The following CHD8 variants were observed in gnomAD, a reference collection of about 807,000 sequenced individuals.
CHD8 encodes the protein chromodomain helicase DNA binding protein 8, also known as ATP-dependent chromatin remodeler CHD8.
A neutral mutation model predicts 279.2 loss-of-function variants in CHD8; 31 were observed. The ratio of observed to expected loss-of-function variants is 0.11; its 90% CI spans 0.08 to 0.15. The LOEUF (loss-of-function observed/expected upper bound fraction) is 0.15. CHD8 is among the 10% of genes least tolerant of loss of function. CHD8 has a pLI of 1.00. For synonymous variants in CHD8, 1,081 were observed against 1,139.6 expected (o/e 0.95, Z 1.04); for missense variants, 2,146 against 3,230.5 (o/e 0.66, Z 8.14).
Position 21,431,559 on chromosome 14 carries a change from T to A in CHD8, c.85A>T (p.Thr29Ser). The change falls in exon 2 of 38, where the codon ACA becomes TCA. Residue 29 changes from threonine (T) to serine (S), a missense_variant. Physicochemically the swap from Thr to Ser is moderately conservative, Grantham distance 58. Around this residue, in one of 26 missense-constraint regions of CHD8, gnomAD observed 302 missense variants for 325.5 expected, o/e 0.93. Coordinates refer to ENST00000646647, the MANE Select transcript of CHD8 (RefSeq NM_001170629.2). ...AGGGCTTCCTCAATGGGGTCTTGTG[T>A]GACCTGGTTAAAGCTGTCATCAGTC... Reference protein sequence around the residue: ...SLTDDSFNQVTQDPIEEALGL... With the variant: ...SLTDDSFNQVSQDPIEEALGL... The A allele has an allele frequency of 6.5e-7, 1 of 1,537,156 alleles. No individual in the cohort carries two copies. The highest frequency in any genetic ancestry group is 8.7e-7 in the Non-Finnish European group (1 of 1,146,878).
intron 5 of CHD8, among the ~76,000 whole-genome samples, chr14:21,422,409 T>TC (rs1889085062): frequency 6.6e-6 from 1 of 152,354 alleles, no homozygotes; most frequent in South Asian, 2.1e-4. Flanking sequence ...ATGGTGGTCC[T>TC]AGCAAACTAA....
At chr14:21,449,836 A>G (rs899522741) in intron 1 of CHD8, among the ~76,000 whole-genome samples, 6 of 152,236 alleles carry the variant, frequency 3.9e-5, no homozygotes, top group Non-Finnish European at 7.3e-5. Context: ...TTTGACTCCA[A>G]TGACTTTCAG....
At chr14:21,409,794 GA>G in intron 11 of CHD8, 56 bp downstream of exon 11, 1 of 1,510,336 alleles carries the variant, frequency 6.6e-7, no homozygotes, top group South Asian at 1.3e-5. Flanking sequence ...TTTCATAGGG[GA>G]AAAAATTTAA....
At chr14:21,438,527 A>AAAG (rs1889874661) in intron 1 of CHD8, among the ~76,000 whole-genome samples, 1 of 149,372 alleles carries the variant, frequency 6.7e-6, no homozygotes. Flanking sequence ...AAAAAAAAAA[A>AAAG]AAAAGAAAGA....
chr14:21,431,763 T>A lies in CHD8; in HGVS notation c.-120A>T, dbSNP rs776309617. On this transcript the variant is annotated 5_prime_UTR_variant, in exon 2 of 38. Transcript: ENST00000646647. ...AATGTACACAATGTAAGAGGACTAC[T>A]CTTCAAGTATAGAGGCAAGAAACAA... is the stretch of plus-strand genomic sequence containing the variant. 1 of 1,613,320 alleles carries A rather than the reference T, an allele frequency of 6.2e-7. No homozygotes were observed. The highest frequency in any genetic ancestry group is 8.5e-7 in the Non-Finnish European group (1 of 1,179,344).
At position 21,442,636 on chromosome 14, in the gene CHD8, AAGGGGAGGAGAGGAG is replaced by A. The variant is rs1227620095; in HGVS notation, c.-215-10793_-215-10779del. ...ACCCTATCAGAAAGGAGAAAAGAGA[AAGGGGAGGAGAGGAG>A]AGGGGAGGAGAGGAGAGGGGAGGAG... is the stretch of plus-strand genomic sequence containing the variant. On this transcript the variant is annotated intron_variant, in intron 1 of 37. Coordinates refer to ENST00000646647, the MANE Select transcript of CHD8 (RefSeq NM_001170629.2). 4.2e-3 allele frequency among the ~76,000 whole-genome samples: 528 copies of A among 124,544 alleles called. 12 individuals carry two copies. The highest frequency in any genetic ancestry group is 5.0e-3 in the African/African-American group (164 of 32,958). 81.7% of individuals were successfully genotyped at this position (124,544 alleles called of 152,430 possible).
chr14:21,392,226 G>T, intron 34 of CHD8: 1 of 753,598 alleles, frequency 1.3e-6, no homozygotes, highest in Non-Finnish European at 2.4e-6. Flanking sequence ...TGGTGTCTCC[G>T]TATTAGCATG....
intron 35 of CHD8, 59 bp downstream of exon 35, chr14:21,391,774 A>G (rs1594327533): frequency 6.5e-7 from 1 of 1,529,522 alleles, no homozygotes; most frequent in Admixed American, 1.7e-5. Context: ...GCCTTCATCA[A>G]TTATTGGGAA....
At chr14:21,449,735 C>T (rs1890213362) in intron 1 of CHD8, among the ~76,000 whole-genome samples, 1 of 152,214 alleles carries the variant, frequency 6.6e-6, no homozygotes, top group African/African-American at 2.4e-5. Context: ...ATTCAATTTA[C>T]TTCACAATAC....
intron 21 of CHD8, 107 bp from the exon 22 acceptor site, chr14:21,401,178 C>CAAA: frequency 1.0e-6 from 1 of 956,106 alleles, no homozygotes; most frequent in Non-Finnish European, 1.5e-6. Context: ...TGTAGATACT[C>CAAA]AGAGATTTTT....
chr14:21,424,104 C>T (rs1034115143), intron 5 of CHD8, among the ~76,000 whole-genome samples: 9 of 152,144 alleles, frequency 5.9e-5, no homozygotes, highest in African/African-American at 9.7e-5. Flanking sequence ...ATTACTCCAC[C>T]GGACAGTTAC....
At position 21,400,333 on chromosome 14, in the gene CHD8, T is replaced by A; in HGVS notation, c.4571-26A>T. 1 of 1,612,482 alleles carries A rather than the reference T, an allele frequency of 6.2e-7. No individual in the cohort carries two copies. On this transcript the variant is annotated intron_variant, in intron 23 of 37. Coordinates refer to ENST00000646647, the MANE Select transcript of CHD8 (RefSeq NM_001170629.2). This position sits in a 1 kb window ranked among gnomAD's most constrained non-coding sequence, Gnocchi z 4.2. Reference sequence around the variant, plus strand: ...CTGGGAAAGGGGAGACATCAAAGACTTGGATTGAGAAAAACCCTTGGACCT... The same window carrying A: ...CTGGGAAAGGGGAGACATCAAAGACATGGATTGAGAAAAACCCTTGGACCT...
intron 5 of CHD8, 163 bp from the exon 6 acceptor site, chr14:21,416,070 G>A (rs1594360198): frequency 1.6e-6 from 1 of 633,322 alleles, no homozygotes; most frequent in Admixed American, 2.9e-5. Flanking sequence ...ATGTGATTAT[G>A]CTATGTACTG....
At chr14:21,444,379 T>C (rs1375677310) in intron 1 of CHD8, among the ~76,000 whole-genome samples, 1 of 152,222 alleles carries the variant, frequency 6.6e-6, no homozygotes, top group Non-Finnish European at 1.5e-5. Flanking sequence ...AGTTGGCTAA[T>C]ACCTATGAGC....
At chr14:21,404,916 CT>C in intron 16 of CHD8, 114 of 351,416 alleles carry the variant, frequency 3.2e-4, no homozygotes, top group Middle Eastern at 1.6e-3. Context: ...ACTGCAACCT[CT>C]GCCTTCTGGG....
Position 21,391,621 on chromosome 14 carries a change from C to T in CHD8, c.6907G>A (p.Glu2303Lys). Residue 2303 changes from glutamate to lysine, a missense_variant, in exon 36 of 38, where the codon GAG becomes AAG. This residue lies in a region of CHD8 where 336 missense variants were observed against 392.9 expected (regional missense o/e 0.86). Transcript: ENST00000646647. The stretch of plus-strand genomic sequence containing the variant: ...AGGTCCACATCAAGGTGATTAGGCT[C>T]TTCCATGCACTCCACCTCCAGCTGC... ...LVELEVECME[E>K]PNHLDVDLET... 1 of 1,594,416 alleles carries T rather than the reference C, an allele frequency of 6.3e-7. No individual in the cohort carries two copies. Among genetic ancestry groups the T allele is most frequent in the Non-Finnish European group, 8.6e-7 (1 of 1,169,316 alleles).
intron 5 of CHD8, chr14:21,425,233 T>C (rs1889257379): frequency 1.3e-5 from 2 of 152,134 alleles, no homozygotes. Context: ...AGTCAAGTTC[T>C]GGCCCAACCA....
intron 37 of CHD8, 38 bp from the exon 38 acceptor site, chr14:21,386,214 A>AG: frequency 1.3e-6 from 2 of 1,514,384 alleles, no homozygotes; most frequent in Non-Finnish European, 1.8e-6. Flanking sequence ...AAAGAAAGAA[A>AG]GGGGAAAAAA....
chr14:21,403,710 T>A lies in CHD8; in HGVS notation c.3308-47A>T, dbSNP rs1888131213. On this transcript the variant is annotated intron_variant, in intron 16 of 37. Coordinates refer to ENST00000646647, the MANE Select transcript of CHD8 (RefSeq NM_001170629.2). The surrounding 1 kb of genome is among the most constrained non-coding windows in gnomAD (Gnocchi z 4.3). Reference sequence around the variant, plus strand: ...TATGTTGAGATCCAGTGAACCATATTAAGGTTGTAGTCTATTTAACTAAGA... The same window carrying A: ...TATGTTGAGATCCAGTGAACCATATAAAGGTTGTAGTCTATTTAACTAAGA... 1 of 1,464,092 alleles carries A rather than the reference T, an allele frequency of 6.8e-7. No individual in the cohort carries two copies. The highest frequency in any genetic ancestry group is 9.4e-7 in the Non-Finnish European group (1 of 1,067,136). The allele number at this position is 1,464,092 out of a possible 1,614,324, so 90.7% of individuals were successfully genotyped here. A position where few individuals can be genotyped will look rare whatever the true frequency, so the allele number is the denominator to read the frequency against.
Sources: allele counts gnomAD v4.1 joint callset (sites outside exome capture counted in the v4.1 genomes callset), GRCh38; gene constraint gnomAD v4.1.1; regional missense constraint gnomAD v4.1.1; non-coding constraint Gnocchi (gnomAD v3.1); transcripts MANE v1.5; gene names NCBI Gene and HGNC (gene_info 2026-07-23, HGNC 2026-07-21).